Variants in LINGO2 observed in about 807,000 individuals in gnomAD.
The protein encoded by LINGO2 is leucine rich repeat and Ig domain containing 2.
LINGO2 carries 14 observed loss-of-function variants against 30.6 expected under a neutral mutation model. That is an observed-to-expected ratio of 0.46 (90% confidence interval 0.30 to 0.72). LINGO2 has a LOEUF of 0.72. LINGO2 is among the 30% of genes least tolerant of loss of function. LINGO2 has a pLI of 0.07. For synonymous variants in LINGO2, 317 were observed against 288.5 expected, an observed-to-expected ratio of 1.10 and a Z score of -1.00; for missense variants, 729 against 751.7, an observed-to-expected ratio of 0.97 and a Z score of 0.35.
At chr9:27,986,954 G>A (rs556711515) in intron 5 of LINGO2, among the ~76,000 whole-genome samples, 3 of 151,814 alleles carry the variant, frequency 2.0e-5, no homozygotes, top group African/African-American at 7.3e-5. Flanking sequence ...AGCAAGACCT[G>A]CTCCTTGGGC....
chr9:28,813,069 TAAA>T, the LINGO2 span, among the ~76,000 whole-genome samples: 51 of 144,118 alleles, frequency 3.5e-4, no homozygotes, highest in Non-Finnish European at 3.8e-4. Flanking sequence ...CCTACTGCAG[TAAA>T]AAAAAAAAAA....
intron 5 of LINGO2, among the ~76,000 whole-genome samples, chr9:27,986,260 C>T (rs1028235324): frequency 1.3e-5 from 2 of 151,640 alleles, no homozygotes; most frequent in African/African-American, 4.8e-5. Context: ...TCAACACACA[C>T]ACACACACAG....
the LINGO2 span, among the ~76,000 whole-genome samples, chr9:29,142,969 A>G: frequency 2.2e-3 from 339 of 152,174 alleles, 1 homozygote; most frequent in Non-Finnish European, 3.9e-3. Flanking sequence ...ACAAATTAAC[A>G]TTAAAAAATC....
chr9:29,065,568 C>G, the LINGO2 span, among the ~76,000 whole-genome samples: 1 of 151,940 alleles, frequency 6.6e-6, no homozygotes, highest in Non-Finnish European at 1.5e-5. Context: ...TGTCAAAGAT[C>G]AGATAGTTGT....
chr9:27,976,897 G>A (rs1267084327), intron 5 of LINGO2, among the ~76,000 whole-genome samples: 3 of 151,954 alleles, frequency 2.0e-5, no homozygotes, highest in Non-Finnish European at 4.4e-5. Flanking sequence ...GACCACTCTC[G>A]TGGTATTTTG....
At chr9:29,064,414 G>T in the LINGO2 span, among the ~76,000 whole-genome samples, 1 of 151,922 alleles carries the variant, frequency 6.6e-6, no homozygotes, top group South Asian at 2.1e-4. Context: ...ACTCTTATAT[G>T]ATTAATGGTT....
At chr9:29,085,291 A>T in the LINGO2 span, among the ~76,000 whole-genome samples, 1 of 82,724 alleles carries the variant, frequency 1.2e-5, no homozygotes, top group African/African-American at 5.0e-5. Flanking sequence ...TAAAAAAAAA[A>T]AAAAAAAAAA....
chr9:28,351,389 A>T (rs1819880626), intron 3 of LINGO2, among the ~76,000 whole-genome samples: 1 of 150,982 alleles, frequency 6.6e-6, no homozygotes, highest in Admixed American at 6.6e-5. Flanking sequence ...CAAATAAACT[A>T]GAAAATCTAG....
intron 4 of LINGO2, among the ~76,000 whole-genome samples, chr9:28,141,719 A>T (rs1369201531): frequency 6.6e-6 from 1 of 152,116 alleles, no homozygotes; most frequent in Non-Finnish European, 1.5e-5. Context: ...GTTCAAGACC[A>T]GCTTGGGCAA....
At chr9:28,711,533 G>T in the LINGO2 span, among the ~76,000 whole-genome samples, 5 of 152,008 alleles carry the variant, frequency 3.3e-5, no homozygotes, top group African/African-American at 1.2e-4. Flanking sequence ...GGTGAGCAAG[G>T]TTTTCAAAAA....
intron 1 of LINGO2, among the ~76,000 whole-genome samples, chr9:28,600,477 A>C (rs1437533187): frequency 6.6e-6 from 1 of 152,180 alleles, no homozygotes; most frequent in Non-Finnish European, 1.5e-5. Flanking sequence ...CAAAAATGTC[A>C]TAAGCACTAT....
chr9:28,623,547 G>T (rs1020599802), intron 1 of LINGO2, among the ~76,000 whole-genome samples: 1 of 151,846 alleles, frequency 6.6e-6, no homozygotes. Context: ...CTGTTCTATT[G>T]GTCTAAGTGT....
At chr9:28,394,623 G>A (rs1002160134) in intron 2 of LINGO2, among the ~76,000 whole-genome samples, 4 of 152,154 alleles carry the variant, frequency 2.6e-5, no homozygotes, top group African/African-American at 9.7e-5. Context: ...CTCCCTTGAT[G>A]TCTTTTGTTT....
chr9:29,010,942 T>C, the LINGO2 span, among the ~76,000 whole-genome samples: 2 of 152,088 alleles, frequency 1.3e-5, no homozygotes, highest in Admixed American at 6.6e-5. Context: ...AAGAAGAGTG[T>C]GATTCTGAGG....
intron 1 of LINGO2, among the ~76,000 whole-genome samples, chr9:28,560,976 C>T (rs1358322922): frequency 6.6e-6 from 1 of 152,024 alleles, no homozygotes; most frequent in African/African-American, 2.4e-5. Context: ...CACCTGGCCT[C>T]ATTCTTCTTC....
the LINGO2 span, among the ~76,000 whole-genome samples, chr9:28,773,266 G>A: frequency 6.6e-6 from 1 of 151,756 alleles, no homozygotes; most frequent in South Asian, 2.1e-4. Context: ...TCAGGAGGCT[G>A]AGGCAGGAGA....
At chr9:28,984,842 C>G in the LINGO2 span, among the ~76,000 whole-genome samples, 1 of 152,074 alleles carries the variant, frequency 6.6e-6, no homozygotes, top group African/African-American at 2.4e-5. Context: ...ATACCCATCA[C>G]TTCAAGTATT....
At chr9:28,879,343 A>G in the LINGO2 span, among the ~76,000 whole-genome samples, 3 of 152,170 alleles carry the variant, frequency 2.0e-5, no homozygotes, top group Non-Finnish European at 4.4e-5. Flanking sequence ...GAACTTAACC[A>G]TAAGTACTAG....
At chr9:28,759,790 C>G in the LINGO2 span, among the ~76,000 whole-genome samples, 4 of 151,900 alleles carry the variant, frequency 2.6e-5, no homozygotes, top group Non-Finnish European at 4.4e-5. Context: ...GTACTGAGTT[C>G]AGAGTCATGG....
Sources: allele counts gnomAD v4.1 joint callset (sites outside exome capture counted in the v4.1 genomes callset), GRCh38; gene constraint gnomAD v4.1.1; transcripts MANE v1.5; gene names NCBI Gene and HGNC (gene_info 2026-07-23, HGNC 2026-07-21).